Variants in FRMPD4 observed in about 807,000 individuals in gnomAD.
The protein encoded by FRMPD4 is FERM and PDZ domain containing 4.
In FRMPD4, 22 loss-of-function variants were observed where a neutral mutation model predicts 94.1. That is an observed-to-expected ratio of 0.23 (90% CI 0.17 to 0.33). FRMPD4 has a LOEUF of 0.33. Ranked by LOEUF, FRMPD4 falls within the 10% of genes least tolerant of loss-of-function variation. FRMPD4 has a pLI of 1.00. For synonymous variants in FRMPD4, 631 were observed against 548.6 expected (o/e 1.15, Z -2.10); for missense variants, 1,111 against 1,339.9 (o/e 0.83, Z 2.67).
At chrX:12,100,653 T>C (rs1416879507) in intron 3 of FRMPD4, among the ~76,000 whole-genome samples, 1 of 112,500 alleles carries the variant, frequency 8.9e-6, no homozygotes, top group Non-Finnish European at 1.9e-5. Context: ...TTATATTAAT[T>C]TGTTGCTGTC....
intron 1 of FRMPD4, among the ~76,000 whole-genome samples, chrX:11,850,426 A>G (rs2053614091): frequency 8.9e-6 from 1 of 112,328 alleles, no homozygotes; most frequent in African/African-American, 3.2e-5. Context: ...AATCACCATA[A>G]TGTCTAGCAA....
intron 1 of FRMPD4, among the ~76,000 whole-genome samples, chrX:12,338,582 G>A (rs187992802): frequency 1.6e-4 from 18 of 112,053 alleles, no homozygotes; most frequent in African/African-American, 4.9e-4. Context: ...AAATTGATAG[G>A]TACTTAAGTG....
At chrX:12,165,289 C>T (rs1293677601) in intron 1 of FRMPD4, among the ~76,000 whole-genome samples, 1 of 112,433 alleles carries the variant, frequency 8.9e-6, no homozygotes, top group Non-Finnish European at 1.9e-5. Flanking sequence ...TTTCCCAGCA[C>T]CATTTATTAA....
intron 1 of FRMPD4, among the ~76,000 whole-genome samples, chrX:12,492,050 T>C (rs2057797894): frequency 8.9e-6 from 1 of 111,956 alleles, no homozygotes. Flanking sequence ...ATTTACAGAG[T>C]TGGAGAATTC....
chrX:12,720,520 T>A lies in FRMPD4; in HGVS notation c.3965-14T>A, dbSNP rs2147184604. ...TTAATGATTCTCTCTGTTTTTCTAC[T>A]ACCCCTAGTGTAGCTTTGACAGAGC... On this transcript the variant is annotated splice_polypyrimidine_tract_variant and intron_variant, in intron 16 of 16. Coordinates refer to ENST00000675598, the MANE Select transcript of FRMPD4 (RefSeq NM_001368397.1). The A allele has an allele frequency of 1.7e-6, 2 of 1,206,110 alleles. No homozygotes were observed. The highest frequency in any genetic ancestry group is 2.2e-6 in the Non-Finnish European group (2 of 891,343).
At position 11,952,683 on chromosome X, in the gene FRMPD4, C is replaced by T. The variant is rs191413429; in HGVS notation, c.95+74665C>T. Among the ~76,000 whole-genome samples the T allele has an allele frequency of 1.3e-3, 151 of 111,884 alleles. 1 individual carries two copies. The highest frequency in any genetic ancestry group is 9.1e-3 in the Middle Eastern group (2 of 219). On this transcript the variant is annotated intron_variant, in intron 3 of 18. Coordinates refer to the FRMPD4 transcript ENST00000640291. Reference sequence around the variant, plus strand: ...CCAAGGGATATATTTGCAGTCATCACCCACCCACATTCGATAGCATCTTAC... The same window carrying T: ...CCAAGGGATATATTTGCAGTCATCATCCACCCACATTCGATAGCATCTTAC...
intron 1 of FRMPD4, 71 bp downstream of exon 1, chrX:12,139,083 G>A (rs988994228): frequency 2.2e-6 from 2 of 918,716 alleles, no homozygotes; most frequent in African/African-American, 2.0e-5. Flanking sequence ...TATTTTTCGG[G>A]AGGCTGGGTA....
chrX:12,136,456 C>T (rs1159224873), upstream of FRMPD4, among the ~76,000 whole-genome samples: 1 of 111,046 alleles, frequency 9.0e-6, no homozygotes, highest in East Asian at 2.8e-4. Flanking sequence ...GTGTGAGAAC[C>T]TTTTGCAATT....
intron 1 of FRMPD4, among the ~76,000 whole-genome samples, chrX:12,399,931 A>T (rs765091861): frequency 1.2e-4 from 13 of 112,189 alleles, no homozygotes; most frequent in Non-Finnish European, 2.3e-4. Flanking sequence ...TTTGCTCTTC[A>T]TTTGTGCCTG....
chrX:12,481,974 A>AAAAAAAAAAG (rs2057692112), intron 1 of FRMPD4, among the ~76,000 whole-genome samples: 1 of 102,363 alleles, frequency 9.8e-6, no homozygotes, highest in African/African-American at 3.5e-5. Flanking sequence ...AAAAAAAAGA[A>AAAAAAAAAAG]AGTGTTATTG....
intron 1 of FRMPD4, among the ~76,000 whole-genome samples, chrX:11,848,046 AT>A (rs1333425917): frequency 1.6e-4 from 18 of 110,350 alleles, no homozygotes; most frequent in Non-Finnish European, 3.0e-4. Flanking sequence ...AATAAAAAAA[AT>A]AAAAAATAAA....
intron 1 of FRMPD4, among the ~76,000 whole-genome samples, chrX:12,313,070 G>C (rs1401640348): frequency 9.0e-6 from 1 of 111,522 alleles, no homozygotes; most frequent in Admixed American, 9.5e-5. Context: ...TATTTCATTA[G>C]GGAGGTGGAG....
chrX:12,525,858 T>C (rs988208640), intron 2 of FRMPD4, among the ~76,000 whole-genome samples: 2 of 111,965 alleles, frequency 1.8e-5, no homozygotes, highest in Non-Finnish European at 3.8e-5. Flanking sequence ...GTGGTTTTGA[T>C]TTGTATTTCC....
chrX:11,941,805 T>C (rs2054161355), intron 3 of FRMPD4, among the ~76,000 whole-genome samples: 1 of 111,808 alleles, frequency 8.9e-6, no homozygotes, highest in Admixed American at 9.5e-5. Flanking sequence ...GCTCTGCAAG[T>C]TGAGAAGGTT....
chrX:12,671,905 A>G (rs1378758499), intron 4 of FRMPD4, among the ~76,000 whole-genome samples: 2 of 111,531 alleles, frequency 1.8e-5, no homozygotes, highest in African/African-American at 6.5e-5. Flanking sequence ...TCCCATAAAC[A>G]TATTGAACAG....
chrX:12,079,473 C>T (rs2055045849), intron 3 of FRMPD4, among the ~76,000 whole-genome samples: 1 of 111,295 alleles, frequency 9.0e-6, no homozygotes, highest in African/African-American at 3.3e-5. Context: ...GATCCATTTC[C>T]AAAGGTTTAT....
intron 3 of FRMPD4, among the ~76,000 whole-genome samples, chrX:11,902,482 G>A (rs767100025): frequency 1.8e-5 from 2 of 111,619 alleles, no homozygotes; most frequent in Non-Finnish European, 1.9e-5. Flanking sequence ...CTGGTCCCTC[G>A]TCTTCTTCTT....
intron 2 of FRMPD4, among the ~76,000 whole-genome samples, chrX:12,524,604 T>C (rs7882669): frequency 0.075 from 8,355 of 111,477 alleles, 767 homozygotes; most frequent in African/African-American, 0.25. Flanking sequence ...TAAATATCAT[T>C]AGTGTGCCTG....
chrX:12,283,163 C>T (rs1569217475), intron 1 of FRMPD4, among the ~76,000 whole-genome samples: 3 of 113,013 alleles, frequency 2.7e-5, no homozygotes, highest in Non-Finnish European at 5.6e-5. Context: ...GGCTTCCAGA[C>T]CTTGTTTTTG....
Sources: gnomAD v4.1 joint callset for allele counts (sites outside exome capture counted in the v4.1 genomes callset) on GRCh38, gnomAD v4.1.1 for gene constraint, MANE v1.5 for transcripts, NCBI Gene and HGNC (gene_info 2026-07-23, HGNC 2026-07-21) for gene names.